CSMD1: variants seen among roughly 807,000 people sequenced by gnomAD.
CSMD1 encodes CUB and Sushi multiple domains 1.
Under a neutral mutation model 417.5 loss-of-function variants are expected in CSMD1, and 213 were observed. The observed-to-expected ratio is 0.51, with a 90% CI of 0.46 to 0.57. The LOEUF is 0.57. Ranked by LOEUF, CSMD1 falls within the 20% of genes least tolerant of loss-of-function variation. The pLI is 0.00. For synonymous variants in CSMD1, 2,862 were observed against 1,736.8 expected, an observed-to-expected ratio of 1.65 and a Z score of -16.11; for missense variants, 6,923 against 4,529.7, an observed-to-expected ratio of 1.53 and a Z score of -15.17.
intron 20 of CSMD1, among the ~76,000 whole-genome samples, chr8:3,361,453 C>T (rs1809163189): frequency 6.6e-6 from 1 of 151,482 alleles, no homozygotes; most frequent in African/African-American, 2.4e-5. Context: ...ACGGTGAAAC[C>T]CTGTCTTTAC....
intron 5 of CSMD1, among the ~76,000 whole-genome samples, chr8:3,846,135 T>G (rs1563139635): frequency 6.6e-6 from 1 of 152,182 alleles, no homozygotes; most frequent in African/African-American, 2.4e-5. Context: ...GTACCATGGT[T>G]GTTTATGATC....
chr8:3,367,445 G>A (rs1295357308), intron 19 of CSMD1, among the ~76,000 whole-genome samples, 198 bp from the exon 20 acceptor site: 1 of 151,756 alleles, frequency 6.6e-6, no homozygotes, highest in African/African-American at 2.4e-5. Flanking sequence ...ATGAGACAGA[G>A]ATGGAGAGAG....
In CSMD1 at chr8:4,826,748, A is replaced by G. The variant is rs191641805; in HGVS notation, c.85+167584T>C. On this transcript the variant is annotated intron_variant, in intron 1 of 69. Transcript: ENST00000635120. ...ATGCCCCATAACCCAATGGAGAGAC[A>G]GTTCTGTTTTAAACATAGGAGCTCC... 2.2e-3 allele frequency among the ~76,000 whole-genome samples: 329 copies of G among 152,212 alleles called. 3 individuals are homozygous for G. Among genetic ancestry groups the G allele is most frequent in the African/African-American group, 7.6e-3 (317 of 41,510 alleles).
intron 3 of CSMD1, among the ~76,000 whole-genome samples, chr8:4,158,079 C>T (rs1449547679): frequency 1.5e-5 from 2 of 132,660 alleles, no homozygotes; most frequent in Non-Finnish European, 3.3e-5. Flanking sequence ...CATTACAATA[C>T]AAGAAAACCC....
intron 5 of CSMD1, among the ~76,000 whole-genome samples, chr8:3,941,926 T>C (rs1439525312): frequency 6.6e-6 from 1 of 152,104 alleles, no homozygotes; most frequent in Non-Finnish European, 1.5e-5. Flanking sequence ...AGGTGAGCAG[T>C]GGGCCAGCTA....
chr8:3,166,789 A>C (rs987227040), intron 37 of CSMD1, among the ~76,000 whole-genome samples: 4 of 152,202 alleles, frequency 2.6e-5, no homozygotes, highest in Non-Finnish European at 4.4e-5. Context: ...GCAGACTAAA[A>C]AGAACTCACA....
chr8:3,536,220 C>G (rs764161302), intron 10 of CSMD1, among the ~76,000 whole-genome samples: 2 of 152,152 alleles, frequency 1.3e-5, no homozygotes, highest in African/African-American at 2.4e-5. Context: ...TTTCAAGACT[C>G]GAAGCATCAA....
chr8:3,790,832 C>A (rs915309301), intron 5 of CSMD1, among the ~76,000 whole-genome samples: 2 of 152,088 alleles, frequency 1.3e-5, no homozygotes, highest in Non-Finnish European at 2.9e-5. Flanking sequence ...GATGTCAGAG[C>A]CCTGAGTAAC....
At position 2,937,332 on chromosome 8, in the gene CSMD1, G is replaced by T. The variant is rs1801549215; in HGVS notation, c.*1253C>A. The T allele has an allele frequency of 6.7e-6, 1 of 150,040 alleles. No homozygotes were observed. The highest frequency in any genetic ancestry group is 2.5e-5 in the African/African-American group (1 of 40,662). The allele number at this position is 150,040 out of a possible 1,614,324, so 9.3% of individuals were successfully genotyped here. A position where few individuals can be genotyped will look rare whatever the true frequency, so the allele number is the denominator to read the frequency against. On this transcript the variant is annotated 3_prime_UTR_variant, in exon 70 of 70. Transcript: ENST00000635120. Reference sequence around the variant, plus strand: ...GTGTACTTTTTCCTTCCCTCTAAAAGAACACTTGGTATTTTGATCCTGAAC... The same window carrying T: ...GTGTACTTTTTCCTTCCCTCTAAAATAACACTTGGTATTTTGATCCTGAAC...
At chr8:3,823,690 G>C (rs1047352860) in intron 5 of CSMD1, among the ~76,000 whole-genome samples, 1 of 152,160 alleles carries the variant, frequency 6.6e-6, no homozygotes, top group South Asian at 2.1e-4. Flanking sequence ...ATGGATATAT[G>C]TTTGAACCAT....
At chr8:4,752,865 C>T (rs1243803217) in intron 1 of CSMD1, among the ~76,000 whole-genome samples, 1 of 152,154 alleles carries the variant, frequency 6.6e-6, no homozygotes, top group Non-Finnish European at 1.5e-5. Context: ...CTAGGCAGAT[C>T]AGCATGTCTT....
chr8:4,069,136 G>T (rs559096883), intron 3 of CSMD1, among the ~76,000 whole-genome samples: 16 of 152,210 alleles, frequency 1.1e-4, no homozygotes, highest in African/African-American at 3.4e-4. Flanking sequence ...CTACAATATT[G>T]TTCATAGGAG....
chr8:4,066,485 A>G (rs1193551763), intron 3 of CSMD1, among the ~76,000 whole-genome samples: 1 of 152,228 alleles, frequency 6.6e-6, no homozygotes, highest in Non-Finnish European at 1.5e-5. Context: ...AGCATTAATT[A>G]ATCTATTGAC....
chr8:2,970,328 C>T (rs1180465853), intron 57 of CSMD1, among the ~76,000 whole-genome samples: 1 of 152,158 alleles, frequency 6.6e-6, no homozygotes, highest in African/African-American at 2.4e-5. Context: ...AAACATGATA[C>T]TGAATGTACA....
intron 49 of CSMD1, among the ~76,000 whole-genome samples, chr8:3,072,486 C>G (rs773444693): frequency 1.3e-5 from 2 of 152,074 alleles, no homozygotes; most frequent in Non-Finnish European, 1.5e-5. Context: ...TTAATATGAA[C>G]CAGAAAATGT....
chr8:4,732,373 G>C (rs1025633557), intron 1 of CSMD1, among the ~76,000 whole-genome samples: 17 of 149,548 alleles, frequency 1.1e-4, no homozygotes, highest in Non-Finnish European at 1.9e-4. Context: ...GTGTGTGTGT[G>C]TGTGTGTGTA....
At chr8:3,327,687 A>G (rs1383325966) in intron 23 of CSMD1, among the ~76,000 whole-genome samples, 1 of 152,226 alleles carries the variant, frequency 6.6e-6, no homozygotes, top group Non-Finnish European at 1.5e-5. Flanking sequence ...AGAAATGAGC[A>G]CATACAGATT....
intron 49 of CSMD1, among the ~76,000 whole-genome samples, chr8:3,081,188 C>G (rs1439000131): frequency 1.3e-5 from 2 of 152,190 alleles, no homozygotes; most frequent in East Asian, 3.8e-4. Flanking sequence ...CAGGTTTGAT[C>G]TTGCTCATTT....
chr8:4,956,545 T>G (rs1208671082), intron 1 of CSMD1, among the ~76,000 whole-genome samples: 13 of 149,556 alleles, frequency 8.7e-5, no homozygotes, highest in African/African-American at 2.9e-4. Context: ...AAAATATATG[T>G]GTATATCATA....
Sources: allele counts gnomAD v4.1 joint callset (sites outside exome capture counted in the v4.1 genomes callset), GRCh38; gene constraint gnomAD v4.1.1; transcripts MANE v1.5; gene names NCBI Gene and HGNC (gene_info 2026-07-23, HGNC 2026-07-21).